The following GBP4 variants were observed in gnomAD, a reference collection of about 807,000 sequenced individuals.
GBP4 encodes guanylate-binding protein 4.
A neutral mutation model predicts 62.2 loss-of-function variants in GBP4; 69 were observed. The ratio of observed to expected loss-of-function variants is 1.11; its 90% CI spans 0.91 to 1.36. GBP4 has a LOEUF of 1.36. Ranked by LOEUF, GBP4 falls within the 40% of genes most tolerant of loss-of-function variation. The probability of loss-of-function intolerance (pLI) is 0.00; values close to 1 mark genes in which losing one functional copy is unlikely to be tolerated. For synonymous variants in GBP4, 278 were observed against 274.6 expected (o/e 1.01, Z -0.12); for missense variants, 697 against 759.3 (o/e 0.92, Z 0.96).
intron 8 of GBP4, 145 bp from the exon 9 acceptor site, chr1:89,187,247 G>A: frequency 1.5e-6 from 1 of 658,192 alleles, no homozygotes; most frequent in Non-Finnish European, 2.6e-6. Flanking sequence ...TTCTTCCACA[G>A]CCACAAGAAG....
chr1:89,196,964 G>A, intron 2 of GBP4, 146 bp downstream of exon 2: 1 of 574,894 alleles, frequency 1.7e-6, no homozygotes, highest in Non-Finnish European at 3.0e-6. Flanking sequence ...ATATATATTT[G>A]AGATTGTAAA....
intron 3 of GBP4, among the ~76,000 whole-genome samples, chr1:89,193,742 C>G (rs1161415613): frequency 6.6e-6 from 1 of 152,136 alleles, no homozygotes; most frequent in African/African-American, 2.4e-5. Flanking sequence ...GCCACAAATG[C>G]TATTCAGTTA....
rs770510201 is a variant in GBP4 at position 89,193,084 on chromosome 1, C to T, written c.490G>A (p.Ala164Thr). 1.9e-6 allele frequency: 3 copies of T among 1,614,078 alleles called. No homozygotes were observed. Among genetic ancestry groups the T allele is most frequent in the Admixed American group, 1.7e-5 (1 of 60,026 alleles). ...CAGGATTTTGCCCTGATTAGCTCTG[C>T]TAGCTCAGTCACATAGCTGGGATCT... ...LEQLHYVTEL[A>T]ELIRAKSCPR... is the part of the protein sequence containing the mutation. Residue 164 changes from alanine (A) to threonine (T), a missense_variant, in exon 5 of 11, where the codon GCA becomes ACA. Physicochemically the swap from Ala to Thr is moderately conservative, Grantham distance 58. Coordinates refer to ENST00000355754, the MANE Select transcript of GBP4 (RefSeq NM_052941.5).
rs868770550 is a variant in GBP4, at chr1:89,190,260, A to T, written c.975T>A (p.Cys325Ter). 1 of 1,614,018 alleles carries T rather than the reference A, an allele frequency of 6.2e-7. No individual in the cohort carries two copies. Among genetic ancestry groups the T allele is most frequent in the African/African-American group, 1.3e-5 (1 of 74,922 alleles). The stretch of plus-strand genomic sequence containing the variant: ...CCAGTGCTGTCACTGCATTCTCCAG[A>T]CAAGGTACTGCTCCACTGTTGATGG... Reference protein sequence around the residue: ...VDAINSGAVPCLENAVTALAQ... With the variant: ...VDAINSGAVP Residue 325 changes from cysteine (C) to a stop codon, truncating the protein, a stop_gained, in exon 7 of 11, where the codon TGT becomes TGA. Coordinates refer to ENST00000355754, the MANE Select transcript of GBP4 (RefSeq NM_052941.5). LOFTEE classifies it high-confidence loss of function.
rs1212542127 is a variant in GBP4, at chr1:89,192,982, A to T, written c.592T>A (p.Phe198Ile). The change falls in exon 5 of 11, where the codon TTT becomes ATT. Residue 198 changes from phenylalanine (F) to isoleucine (I), a missense_variant. Around this residue, in one of 2 missense-constraint regions of GBP4, gnomAD observed 556 missense variants for 562.7 expected, o/e 0.99. Coordinates refer to ENST00000355754, the MANE Select transcript of GBP4 (RefSeq NM_052941.5). The stretch of plus-strand genomic sequence containing the variant: ...CCATCTAACTTTAGCTCCAGGGTAA[A>T]ATCCCGAACAGTCCAAATAAAGTCT... Reference protein sequence around the residue: ...FPDFIWTVRDFTLELKLDGNP... With the variant: ...FPDFIWTVRDITLELKLDGNP... 6.2e-7 allele frequency: 1 copy of T among 1,614,144 alleles called. No individual in the cohort carries two copies. The highest frequency in any genetic ancestry group is 1.3e-5 in the African/African-American group (1 of 75,006).
Position 89,197,278 on chromosome 1 carries a change from T to C in GBP4, c.67A>G (p.Met23Val), listed in dbSNP as rs1226834098. Residue 23 changes from methionine (M) to valine (V), a missense_variant, in exon 2 of 11, where the codon ATG (methionine) becomes GTG (valine). Transcript: ENST00000355754. Reference sequence around the variant, plus strand: ...TTTTCCACTAGACAAATGGGGGCCATCATGATGGATTCAGATTCTGGATAA... The same window carrying C: ...TTTTCCACTAGACAAATGGGGGCCACCATGATGGATTCAGATTCTGGATAA... Reference protein sequence around the residue: ...PGYPESESIMMAPICLVENQE... With the variant: ...PGYPESESIMVAPICLVENQE... 7 of 1,613,878 alleles carry C rather than the reference T, an allele frequency of 4.3e-6. No individual in the cohort carries two copies. Among genetic ancestry groups the C allele is most frequent in the Non-Finnish European group, 5.9e-6 (7 of 1,179,932 alleles).
chr1:89,191,541 G>C, intron 5 of GBP4, 35 bp from the exon 6 acceptor site: 1 of 1,598,236 alleles, frequency 6.3e-7, no homozygotes, highest in Non-Finnish European at 8.5e-7. Context: ...TCATTGAAGA[G>C]ACAGCCTGCA....
chr1:89,197,819 A>T (rs183388390), intron 1 of GBP4, among the ~76,000 whole-genome samples: 1 of 152,276 alleles, frequency 6.6e-6, no homozygotes, highest in Admixed American at 6.5e-5. Context: ...AGCAACAAGC[A>T]AGGAACATAA....
At chr1:89,198,063 T>C (rs1019897951) in intron 1 of GBP4, among the ~76,000 whole-genome samples, 2 of 151,840 alleles carry the variant, frequency 1.3e-5, no homozygotes, top group African/African-American at 4.8e-5. Context: ...AGAAGTAAAG[T>C]AGGCAAAAAG....
At chr1:89,186,263 T>C in intron 10 of GBP4, 70 bp downstream of exon 10, 1 of 1,256,254 alleles carries the variant, frequency 8.0e-7, no homozygotes, top group Non-Finnish European at 1.1e-6. Flanking sequence ...TGCCTAAAAT[T>C]TTGGTCCTTC....
At chr1:89,188,884 C>T (rs12042423) in intron 7 of GBP4, 90 bp from the exon 8 acceptor site, 27,041 of 1,303,966 alleles carry the variant, frequency 0.021, 1,072 homozygotes, top group East Asian at 0.13. Context: ...AGTCTGAAGG[C>T]CTCAGAGTGG....
At chr1:89,196,362 C>T (rs1348285310) in intron 2 of GBP4, among the ~76,000 whole-genome samples, 1 of 152,090 alleles carries the variant, frequency 6.6e-6, no homozygotes, top group African/African-American at 2.4e-5. Context: ...GCAGACCAAC[C>T]TAAACTATGT....
At chr1:89,186,690 T>G (rs904832033) in intron 9 of GBP4, among the ~76,000 whole-genome samples, 164 bp from the exon 10 acceptor site, 3 of 152,220 alleles carry the variant, frequency 2.0e-5, no homozygotes, top group African/African-American at 7.2e-5. Flanking sequence ...TTGAATAATG[T>G]GATGCGAAGG....
At chr1:89,194,782 A>G (rs965519703) in intron 3 of GBP4, among the ~76,000 whole-genome samples, 2 of 152,190 alleles carry the variant, frequency 1.3e-5, no homozygotes, top group Non-Finnish European at 2.9e-5. Flanking sequence ...TTTTCTGAAA[A>G]CTACTGAAAT....
At position 89,193,396 on chromosome 1, in the gene GBP4, T is replaced by C; in HGVS notation, c.380A>G (p.Asp127Gly). Residue 127 changes from aspartate to glycine, a missense_variant, in exon 4 of 11, where the codon GAC becomes GGC. Asp to Gly is a moderately conservative substitution (Grantham distance 94). This residue lies in a region of GBP4 where 556 missense variants were observed against 562.7 expected (regional missense o/e 0.99). Coordinates refer to ENST00000355754, the MANE Select transcript of GBP4 (RefSeq NM_052941.5). The stretch of plus-strand genomic sequence containing the variant: ...CACAGCCAGGGCAAAGATCCACGAG[T>C]CATTCTTAGGGTTACTCTAGAAAGC... ...GDVEKSNPKN[D>G]SWIFALAVLL... 1 of 1,614,024 alleles carries C rather than the reference T, an allele frequency of 6.2e-7. No individual in the cohort carries two copies. The highest frequency in any genetic ancestry group is 8.5e-7 in the Non-Finnish European group (1 of 1,179,916).
At chr1:89,192,067 T>G (rs994631748) in intron 5 of GBP4, among the ~76,000 whole-genome samples, 3 of 152,216 alleles carry the variant, frequency 2.0e-5, no homozygotes, top group Admixed American at 6.5e-5. Flanking sequence ...AGAGTAAAGT[T>G]AATACAGATA....
At chr1:89,198,306 G>A (rs1648401871) in intron 1 of GBP4, among the ~76,000 whole-genome samples, 3 of 152,006 alleles carry the variant, frequency 2.0e-5, no homozygotes, top group Admixed American at 6.6e-5. Context: ...CACAAGTTAA[G>A]TCCCTGAGGA....
Position 89,193,346 on chromosome 1 carries a change from T to G in GBP4, c.430A>C (p.Asn144His). 6.2e-7 allele frequency: 1 copy of G among 1,614,104 alleles called. No homozygotes were observed. Among genetic ancestry groups the G allele is most frequent in the Non-Finnish European group, 8.5e-7 (1 of 1,180,000 alleles). The change falls in exon 4 of 11, where the codon AAC becomes CAC. Residue 144 changes from asparagine to histidine, a missense_variant. Physicochemically the swap from Asn to His is moderately conservative, Grantham distance 68. Coordinates refer to ENST00000355754, the MANE Select transcript of GBP4 (RefSeq NM_052941.5). ...TGGTGGTTGATGGTGCTCACGCTGT[T>G]ATAGACAAAGCTGCTGCTTAGAAGC... The part of the protein sequence containing the change: ...AVLLSSSFVY[N>H]SVSTINHQAL...
chr1:89,185,209 A>G lies in GBP4; in HGVS notation c.*45T>C. ...GCAACAGTGTTATGTTATTAAAATA[A>G]AATAAACCTCATTTTATATTTTCTT... On this transcript the variant is annotated 3_prime_UTR_variant, in exon 11 of 11. Transcript: ENST00000355754. The G allele has an allele frequency of 8.5e-7, 1 of 1,180,656 alleles. No individual in the cohort carries two copies. The highest frequency in any genetic ancestry group is 1.3e-5 in the South Asian group (1 of 79,222). The allele number at this position is 1,180,656 out of a possible 1,614,324, so 73.1% of individuals were successfully genotyped here. A position where few individuals can be genotyped will look rare whatever the true frequency, so the allele number is the denominator to read the frequency against.
Sources: allele counts gnomAD v4.1 joint callset (sites outside exome capture counted in the v4.1 genomes callset), GRCh38; gene constraint gnomAD v4.1.1; regional missense constraint gnomAD v4.1.1; transcripts MANE v1.5; gene names NCBI Gene and HGNC (gene_info 2026-07-23, HGNC 2026-07-21).